Variants in HNRNPA2B1 observed in about 807,000 individuals in gnomAD.
HNRNPA2B1 encodes the protein heterogeneous nuclear ribonucleoprotein A2/B1, also known as heterogeneous nuclear ribonucleoproteins A2/B1.
A neutral mutation model predicts 46.3 loss-of-function variants in HNRNPA2B1; 3 were observed. The ratio of observed to expected loss-of-function variants is 0.06; its 90% confidence interval spans 0.03 to 0.17. HNRNPA2B1 has a LOEUF of 0.17. HNRNPA2B1 is among the 10% of genes least tolerant of loss of function. The pLI is 1.00. For missense variants in HNRNPA2B1, 221 were observed against 418.9 expected, an observed-to-expected ratio of 0.53 and a Z score of 4.12; for synonymous variants, 225 against 133.8, an observed-to-expected ratio of 1.68 and a Z score of -4.70.
At chr7:26,197,261 T>G in intron 3 of HNRNPA2B1, 54 bp downstream of exon 3, 2 of 1,528,954 alleles carry the variant, frequency 1.3e-6, no homozygotes, top group Non-Finnish European at 1.8e-6. Flanking sequence ...TTTCTGATTT[T>G]CAGCAGGGCA....
At position 26,196,466 on chromosome 7, in the gene HNRNPA2B1, C is replaced by G. The variant is rs779397218; in HGVS notation, c.593G>C (p.Gly198Ala). The G allele has an allele frequency of 6.2e-7, 1 of 1,614,168 alleles. No homozygotes were observed. Among genetic ancestry groups the G allele is most frequent in the Non-Finnish European group, 8.5e-7 (1 of 1,180,038 alleles). The change falls in exon 6 of 11, where the codon GGG (glycine) becomes GCG (alanine). Residue 198 changes from glycine to alanine, a missense_variant. Physicochemically the swap from Gly to Ala is moderately conservative, Grantham distance 60. Transcript: ENST00000618183. ...RSGRGGNFGFGDSRGGGGNFG... is the reference protein window; with the variant it reads ...RSGRGGNFGFADSRGGGGNFG... ...ATTTCCACCGCCACCACGTGAATCC[C>G]CAAAGCCAAAGTTGCCTACAATAAA... is the stretch of plus-strand genomic sequence containing the variant.
chr7:26,197,510 T>C, intron 2 of HNRNPA2B1, 49 bp from the exon 3 acceptor site: 1 of 1,593,772 alleles, frequency 6.3e-7, no homozygotes. Flanking sequence ...TTATAGCTTA[T>C]AAGTGAAGTC....
chr7:26,198,657 T>A (rs1182106488), intron 1 of HNRNPA2B1: 1 of 152,270 alleles, frequency 6.6e-6, no homozygotes, highest in Non-Finnish European at 1.5e-5. Flanking sequence ...CTTTATATGC[T>A]GTACTACACA....
intron 2 of HNRNPA2B1, 77 bp downstream of exon 2, chr7:26,197,545 A>C (rs1041666725): frequency 8.3e-6 from 13 of 1,560,942 alleles, no homozygotes; most frequent in Non-Finnish European, 9.7e-6. Flanking sequence ...TACTATGCTG[A>C]TAGTTATTTC....
At position 26,193,701 on chromosome 7, in the gene HNRNPA2B1, T is replaced by C. The variant is rs2128110819; in HGVS notation, c.722-7A>G. The C allele has an allele frequency of 1.2e-6, 2 of 1,609,820 alleles. No homozygotes were observed. Among genetic ancestry groups the C allele is most frequent in the South Asian group, 2.2e-5 (2 of 90,720 alleles). On this transcript the variant is annotated splice_region_variant and splice_polypyrimidine_tract_variant and intron_variant, in intron 7 of 10. Coordinates refer to ENST00000618183, the MANE Select transcript of HNRNPA2B1 (RefSeq NM_002137.4). ...CTACCTCCAAAATTGCCACCTATTA[T>C]AAAATAAGCCTTTAAGTAATCACTT...
intron 7 of HNRNPA2B1, among the ~76,000 whole-genome samples, chr7:26,195,092 C>CAAAAAAAAAAAAAAAA (rs11356411): frequency 1.9e-5 from 1 of 51,938 alleles, no homozygotes; most frequent in Admixed American, 2.0e-4. Flanking sequence ...GGCTCCGTCT[C>CAAAAAAAAAAAAAAAA]AAAAAAAAAA....
chr7:26,195,475 A>C (rs1485597768), intron 7 of HNRNPA2B1, among the ~76,000 whole-genome samples: 2 of 151,870 alleles, frequency 1.3e-5, no homozygotes, highest in Non-Finnish European at 2.9e-5. Context: ...CCATCTAGTT[A>C]CGGGTTTAGA....
rs548602926 is a variant in HNRNPA2B1, at chr7:26,192,276, C to T, written c.*84G>A. On this transcript the variant is annotated 3_prime_UTR_variant, in exon 11 of 11. Transcript: ENST00000618183. ...AAGAGTTTCCTTAACATTGTTATTTCGATAACCTGAAGCTGTTCTGTTACC... is the reference window on the plus strand; with the variant it reads ...AAGAGTTTCCTTAACATTGTTATTTTGATAACCTGAAGCTGTTCTGTTACC... 1.0e-5 allele frequency: 5 copies of T among 483,024 alleles called. No homozygotes were observed. The highest frequency in any genetic ancestry group is 6.7e-5 in the East Asian group (2 of 29,902). The allele number at this position is 483,024 out of a possible 1,614,324, so 29.9% of individuals were successfully genotyped here. A position where few individuals can be genotyped will look rare whatever the true frequency, so the allele number is the denominator to read the frequency against.
chr7:26,197,860 A>G, intron 1 of HNRNPA2B1, 128 bp from the exon 2 acceptor site: 1 of 1,596,226 alleles, frequency 6.3e-7, no homozygotes, highest in Non-Finnish European at 8.5e-7. Flanking sequence ...ACAGTTTCTA[A>G]AGTTTTCTGG....
At chr7:26,197,268 G>T in intron 3 of HNRNPA2B1, 47 bp downstream of exon 3, 1 of 1,546,510 alleles carries the variant, frequency 6.5e-7, no homozygotes, top group Non-Finnish European at 8.7e-7. Flanking sequence ...TTTTCAGCAG[G>T]GCAGCGTTCT....
intron 1 of HNRNPA2B1, chr7:26,197,956 TCTA>T: frequency 2.6e-6 from 2 of 781,006 alleles, no homozygotes. Flanking sequence ...CCTCAGCTGA[TCTA>T]CACAAGTTTC....
chr7:26,200,447 C>T, intron 1 of HNRNPA2B1, 125 bp downstream of exon 1: 3 of 924,744 alleles, frequency 3.2e-6, no homozygotes, highest in South Asian at 1.3e-5. Flanking sequence ...ACCTTAAGCC[C>T]CACTGCTACT....
Position 26,197,670 on chromosome 7 carries a change from T to C in HNRNPA2B1, c.69A>G (p.Glu23=). The change falls in exon 2 of 11, where the codon GAA becomes GAG. Residue 23 remains glutamate (E), a synonymous_variant. Coordinates refer to ENST00000618183, the MANE Select transcript of HNRNPA2B1 (RefSeq NM_002137.4). ...ATTGTTCGTAGTAGTTCCTCAAACT[T>C]TCTTCTGTGGTTTCAAAGCTTAAGC... ...IGGLSFETTE[E]SLRNYYEQWG... 1 of 1,614,050 alleles carries C rather than the reference T, an allele frequency of 6.2e-7. No individual in the cohort carries two copies. Among genetic ancestry groups the C allele is most frequent in the Non-Finnish European group, 8.5e-7 (1 of 1,179,966 alleles).
chr7:26,200,320 G>C (rs1020747121), intron 1 of HNRNPA2B1: 2 of 556,692 alleles, frequency 3.6e-6, no homozygotes, highest in South Asian at 4.1e-5. Context: ...GCGGGGCAGC[G>C]TCCGCCATGT....
chr7:26,195,249 G>A (rs554775478), intron 7 of HNRNPA2B1, among the ~76,000 whole-genome samples: 1 of 152,062 alleles, frequency 6.6e-6, no homozygotes, highest in African/African-American at 2.4e-5. Context: ...TGCCTATTGA[G>A]TGGCAACACC....
chr7:26,192,581 T>C lies in HNRNPA2B1; in HGVS notation c.965-4A>G, dbSNP rs1343407587. 6.2e-7 allele frequency: 1 copy of C among 1,613,248 alleles called. No individual in the cohort carries two copies. The highest frequency in any genetic ancestry group is 8.5e-7 in the Non-Finnish European group (1 of 1,179,294). On this transcript the variant is annotated splice_region_variant and splice_polypyrimidine_tract_variant and intron_variant, in intron 9 of 10. Coordinates refer to ENST00000618183, the MANE Select transcript of HNRNPA2B1 (RefSeq NM_002137.4). ...CTGCCTCCTGGACCATAGTTTCCTA[T>C]AATTGTTGGAACAGCAAGAGAAAAC...
intron 9 of HNRNPA2B1, 22 bp from the exon 10 acceptor site, chr7:26,192,599 G>A (rs778369395): frequency 3.1e-6 from 5 of 1,605,546 alleles, no homozygotes; most frequent in Non-Finnish European, 4.3e-6. Context: ...GGAACAGCAA[G>A]AGAAAACAAA....
At chr7:26,200,422 A>T (rs1451970797) in intron 1 of HNRNPA2B1, 150 bp downstream of exon 1, 1 of 807,228 alleles carries the variant, frequency 1.2e-6, no homozygotes, top group East Asian at 2.4e-5. Flanking sequence ...CCTCCGCTCA[A>T]GACCCCGTTC....
Position 26,198,028 on chromosome 7 carries a change from T to TA in HNRNPA2B1, c.7-297dup, listed in dbSNP as rs199985423. The TA allele has an allele frequency of 0.013, 5,146 of 400,894 alleles. 17 individuals are homozygous for TA. Among genetic ancestry groups the TA allele is most frequent in the East Asian group, 0.056 (1,432 of 25,516 alleles). 24.8% of individuals were successfully genotyped at this position (400,894 alleles called of 1,614,324 possible). Reference sequence around the variant, plus strand: ...CATTAAATTATCTTAAATTATTAATTAAAAAAAAAACTTTCTAAGGAAAAA... The same window carrying TA: ...CATTAAATTATCTTAAATTATTAATTAAAAAAAAAAACTTTCTAAGGAAAAA... On this transcript the variant is annotated intron_variant, in intron 1 of 10. Coordinates refer to ENST00000618183, the MANE Select transcript of HNRNPA2B1 (RefSeq NM_002137.4).
Sources: allele counts gnomAD v4.1 joint callset (sites outside exome capture counted in the v4.1 genomes callset), GRCh38; gene constraint gnomAD v4.1.1; transcripts MANE v1.5; gene names NCBI Gene and HGNC (gene_info 2026-07-23, HGNC 2026-07-21).